SLC12A8: variants seen among roughly 807,000 people sequenced by gnomAD.
The protein encoded by SLC12A8 is solute carrier family 12 member 8, also known as cation-chloride cotransporter 9.
Under a neutral mutation model 75.6 loss-of-function variants are expected in SLC12A8, and 69 were observed. The observed-to-expected ratio is 0.91, with a 90% CI of 0.75 to 1.11. The LOEUF is 1.11. SLC12A8 is among the 50% of genes most tolerant of loss of function. The pLI is 0.00. For missense variants in SLC12A8, 877 were observed against 896.7 expected (o/e 0.98, Z 0.28); for synonymous variants, 365 against 372.8 (o/e 0.98, Z 0.24).
At chr3:125,109,831 G>A (rs988605876) in intron 9 of SLC12A8, among the ~76,000 whole-genome samples, 1 of 152,104 alleles carries the variant, frequency 6.6e-6, no homozygotes, top group African/African-American at 2.4e-5. Flanking sequence ...ACCAAAACAC[G>A]CTTTCTTCTA....
At chr3:125,088,620 T>G (rs895163743) in intron 12 of SLC12A8, among the ~76,000 whole-genome samples, 1 of 152,204 alleles carries the variant, frequency 6.6e-6, no homozygotes, top group African/African-American at 2.4e-5. Context: ...CCCAAAAAAC[T>G]GGATAAAGTG....
At chr3:125,185,418 CAAG>C (rs1325819257) in intron 4 of SLC12A8, among the ~76,000 whole-genome samples, 3 of 147,120 alleles carry the variant, frequency 2.0e-5, no homozygotes, top group Non-Finnish European at 3.0e-5. Flanking sequence ...AAAACTAAAT[CAAG>C]AAGAAGTAGA....
intron 8 of SLC12A8, among the ~76,000 whole-genome samples, chr3:125,114,474 G>T (rs1390734260): frequency 6.6e-6 from 1 of 152,222 alleles, no homozygotes; most frequent in Non-Finnish European, 1.5e-5. Context: ...GCCCAGGCTG[G>T]AGTGCAGTGG....
At chr3:125,186,845 G>A (rs1223661762) in intron 4 of SLC12A8, among the ~76,000 whole-genome samples, 1 of 152,230 alleles carries the variant, frequency 6.6e-6, no homozygotes, top group African/African-American at 2.4e-5. Flanking sequence ...AAAGCCCTTT[G>A]GCACAGGCAA....
At chr3:125,136,191 G>A (rs1163495198) in intron 5 of SLC12A8, among the ~76,000 whole-genome samples, 1 of 152,108 alleles carries the variant, frequency 6.6e-6, no homozygotes. Flanking sequence ...AATAGCTACA[G>A]AATCAAGTCC....
rs747656831 is a variant in SLC12A8 at position 125,107,826 on chromosome 3, T to G, written c.1360A>C (p.Thr454Pro). The change falls in exon 10 of 14, where the codon ACG becomes CCG. Residue 454 changes from threonine (T) to proline (P), a missense_variant. Thr to Pro is a conservative substitution (Grantham distance 38). Transcript: ENST00000469902. ...EGPAQRVLEG[T>P]LLEFTKDMDQ... ...ATGTCCTTGGTGAATTCCAGTAGCG[T>G]GCCCTCCAAGACTCTTTGGGCAGGT... The G allele has an allele frequency of 6.2e-7, 1 of 1,614,160 alleles. No homozygotes were observed. The highest frequency in any genetic ancestry group is 2.2e-5 in the East Asian group (1 of 44,884).
chr3:125,188,835 G>A (rs937587988), intron 3 of SLC12A8, among the ~76,000 whole-genome samples: 2 of 152,194 alleles, frequency 1.3e-5, no homozygotes, highest in African/African-American at 4.8e-5. Flanking sequence ...GACCCACCCT[G>A]GCTGTGGCTA....
chr3:125,153,466 T>C (rs111723514), intron 5 of SLC12A8, among the ~76,000 whole-genome samples: 10 of 152,324 alleles, frequency 6.6e-5, no homozygotes, highest in South Asian at 2.1e-4. Context: ...ATGGCCGCAA[T>C]TGAGGGACTC....
Position 125,107,567 on chromosome 3 carries a change from G to A in SLC12A8, c.1619C>T (p.Ser540Phe). 2 of 1,614,194 alleles carry A rather than the reference G, an allele frequency of 1.2e-6. No individual in the cohort carries two copies. Among genetic ancestry groups the A allele is most frequent in the Middle Eastern group, 1.6e-4 (1 of 6,062 alleles). ...CTCAGGCTGAGTCCCTTCGCTCTTG[G>A]AAGTCTGCTTGTTCCAGCAGGACTC... is the stretch of plus-strand genomic sequence containing the variant. The part of the protein sequence containing the change: ...GQESCWNKQT[S>F]KSEGTQPEGT... Residue 540 changes from serine to phenylalanine, a missense_variant, in exon 10 of 14, where the codon TCC becomes TTC. Transcript: ENST00000469902.
chr3:125,143,950 A>T (rs570058290), intron 5 of SLC12A8, among the ~76,000 whole-genome samples: 1 of 152,370 alleles, frequency 6.6e-6, no homozygotes, highest in Non-Finnish European at 1.5e-5. Context: ...CCTTTTCTTC[A>T]TGAAGAATGG....
intron 2 of SLC12A8, among the ~76,000 whole-genome samples, chr3:125,201,680 G>A (rs1215913908): frequency 2.2e-5 from 3 of 137,050 alleles, no homozygotes; most frequent in African/African-American, 8.1e-5. Context: ...CCAGGAGGTT[G>A]AGGCTGCAGT....
chr3:125,120,608 A>C lies in SLC12A8; in HGVS notation c.815T>G (p.Val272Gly), dbSNP rs751879482. Residue 272 changes from valine to glycine, a missense_variant, in exon 7 of 14, where the codon GTT (valine) becomes GGT (glycine). Physicochemically the swap from Val to Gly is moderately radical, Grantham distance 109 (BLOSUM62 -3). Transcript: ENST00000469902. ...CATGAGGGGAACTTACGAGATGCCA[A>C]CAGCTGCCAGGGAGCCCAGGGGAAT... Reference protein sequence around the residue: ...ASIPLGSLAAVGISWFLYIIF... With the variant: ...ASIPLGSLAAGGISWFLYIIF... The C allele has an allele frequency of 1.2e-6, 2 of 1,613,124 alleles. No homozygotes were observed. The highest frequency in any genetic ancestry group is 1.7e-6 in the Non-Finnish European group (2 of 1,179,552).
intron 10 of SLC12A8, among the ~76,000 whole-genome samples, chr3:125,096,191 T>C (rs1017670743): frequency 2.0e-5 from 3 of 152,228 alleles, no homozygotes; most frequent in Non-Finnish European, 4.4e-5. Flanking sequence ...CTTCTCTGCA[T>C]GGCTCACTGC....
chr3:125,195,808 C>A (rs1219412135), intron 2 of SLC12A8, among the ~76,000 whole-genome samples: 1 of 152,162 alleles, frequency 6.6e-6, no homozygotes, highest in Non-Finnish European at 1.5e-5. Context: ...CTGATGTCGT[C>A]TGGCAAATGA....
At chr3:125,092,070 GAAC>G in intron 11 of SLC12A8, 28 bp downstream of exon 11, 1 of 1,515,288 alleles carries the variant, frequency 6.6e-7, no homozygotes. Context: ...TCTGTCCCAA[GAAC>G]AACTGAGATC....
At chr3:125,197,772 G>A (rs1935034189) in intron 2 of SLC12A8, among the ~76,000 whole-genome samples, 1 of 152,142 alleles carries the variant, frequency 6.6e-6, no homozygotes, top group African/African-American at 2.4e-5. Flanking sequence ...CCTTACAGTG[G>A]AAAACCAAAT....
Position 125,177,830 on chromosome 3 carries a change from T to G in SLC12A8, c.535A>C (p.Ile179Leu), listed in dbSNP as rs1934570511. The change falls in exon 5 of 14, where the codon ATA (isoleucine) becomes CTA (leucine). Residue 179 changes from isoleucine to leucine, a missense_variant. Transcript: ENST00000469902. ...AGCAACAGCAGCTGGAGGCGGATTATCCATTTGACACCTGCGAGGTTAATG... is the reference window on the plus strand; with the variant it reads ...AGCAACAGCAGCTGGAGGCGGATTAGCCATTTGACACCTGCGAGGTTAATG... ...LGINLAGVKW[I>L]IRLQLLLLFL... 6.2e-7 allele frequency: 1 copy of G among 1,614,038 alleles called. No individual in the cohort carries two copies. The highest frequency in any genetic ancestry group is 8.5e-7 in the Non-Finnish European group (1 of 1,180,030).
At chr3:125,208,838 G>A (rs997023686) in intron 2 of SLC12A8, among the ~76,000 whole-genome samples, 2 of 111,852 alleles carry the variant, frequency 1.8e-5, no homozygotes, top group Non-Finnish European at 4.1e-5. Flanking sequence ...ACCCTATCTG[G>A]TCCTAAAATG....
At chr3:125,126,274 C>A (rs571609563) in intron 6 of SLC12A8, among the ~76,000 whole-genome samples, 63 of 152,332 alleles carry the variant, frequency 4.1e-4, no homozygotes, top group African/African-American at 1.5e-3. Context: ...GCATCCGTAG[C>A]CACCTAGACA....
Sources: allele counts gnomAD v4.1 joint callset (sites outside exome capture counted in the v4.1 genomes callset), GRCh38; gene constraint gnomAD v4.1.1; transcripts MANE v1.5; gene names NCBI Gene and HGNC (gene_info 2026-07-23, HGNC 2026-07-21).